Variants in CFH observed in about 807,000 individuals in gnomAD.
CFH encodes the protein H factor 1 (complement).
A neutral mutation model predicts 147.3 loss-of-function variants in CFH; 53 were observed. That is an observed-to-expected ratio of 0.36 (90% CI 0.29 to 0.45). CFH has a LOEUF of 0.45. Among genes scored for constraint, CFH ranks in the 20% least tolerant of loss-of-function variants. The probability of loss-of-function intolerance (pLI) is 1.00; values close to 1 mark genes in which losing one functional copy is unlikely to be tolerated. For missense variants in CFH, 1,380 were observed against 1,498.0 expected (o/e 0.92, Z 1.30); for synonymous variants, 536 against 489.4 (o/e 1.10, Z -1.26).
chr1:196,730,653 G>A (rs1669260386), intron 15 of CFH, among the ~76,000 whole-genome samples: 1 of 151,744 alleles, frequency 6.6e-6, no homozygotes, highest in African/African-American at 2.4e-5. Context: ...TGGATGATCT[G>A]TCTCAACGTT....
intron 9 of CFH, among the ~76,000 whole-genome samples, chr1:196,703,869 A>C (rs1668521269): frequency 6.7e-6 from 1 of 149,718 alleles, no homozygotes; most frequent in South Asian, 2.2e-4. Context: ...CTGTAGTCCC[A>C]GCTACTCGGG....
At chr1:196,710,091 C>A (rs1668690188) in intron 9 of CFH, among the ~76,000 whole-genome samples, 1 of 151,920 alleles carries the variant, frequency 6.6e-6, no homozygotes, top group South Asian at 2.1e-4. Context: ...AAGAGCCCAG[C>A]AAAAAGCTGA....
At chr1:196,721,019 CT>C (rs1239553565) in intron 11 of CFH, among the ~76,000 whole-genome samples, 1 of 151,848 alleles carries the variant, frequency 6.6e-6, no homozygotes, top group Admixed American at 6.6e-5. Flanking sequence ...AAGATGATAA[CT>C]CATTTTTTTA....
intron 1 of CFH, among the ~76,000 whole-genome samples, chr1:196,653,188 A>T (rs919282655): frequency 6.6e-6 from 1 of 151,762 alleles, no homozygotes; most frequent in East Asian, 1.9e-4. Flanking sequence ...CACTTTGGTA[A>T]TTTAAAAAAT....
At chr1:196,726,379 G>A in intron 12 of CFH, 91 bp from the exon 13 acceptor site, 1 of 997,544 alleles carries the variant, frequency 1.0e-6, no homozygotes, top group Non-Finnish European at 1.5e-6. Context: ...AAGAATACAT[G>A]AATAAAAGAA....
At chr1:196,693,766 A>G (rs962834527) in intron 9 of CFH, among the ~76,000 whole-genome samples, 1 of 152,018 alleles carries the variant, frequency 6.6e-6, no homozygotes, top group Non-Finnish European at 1.5e-5. Flanking sequence ...ACCTTTTTTT[A>G]TTGCTAAGTA....
Position 196,736,965 on chromosome 1 carries a change from C to T in CFH, c.2555C>T (p.Thr852Ile). ...CTAATTCAGGAAGGAGAAGAAATTA[C>T]ATGCAAAGATGGAAGATGGCAGTCA... ...NYLIQEGEEITCKDGRWQSIP... is the reference protein window; with the variant it reads ...NYLIQEGEEIICKDGRWQSIP... Residue 852 changes from threonine to isoleucine, a missense_variant, in exon 16 of 22, where the codon ACA (threonine) becomes ATA (isoleucine). Around this residue, in one of 4 missense-constraint regions of CFH, gnomAD observed 830 missense variants for 821.4 expected, o/e 1.01. Transcript: ENST00000367429. 3 of 1,611,548 alleles carry T rather than the reference C, an allele frequency of 1.9e-6. No individual in the cohort carries two copies. The highest frequency in any genetic ancestry group is 2.5e-6 in the Non-Finnish European group (3 of 1,178,358).
chr1:196,682,689 T>C (rs1667697169), intron 6 of CFH, among the ~76,000 whole-genome samples: 1 of 151,484 alleles, frequency 6.6e-6, no homozygotes, highest in African/African-American at 2.4e-5. Context: ...AAAAAAGGAA[T>C]ACATTTAGGA....
At chr1:196,652,688 T>C (rs1378282216) in intron 1 of CFH, among the ~76,000 whole-genome samples, 3 of 151,798 alleles carry the variant, frequency 2.0e-5, no homozygotes, top group Admixed American at 1.3e-4. Context: ...ACTTGTATTA[T>C]CAGAATAAAA....
intron 9 of CFH, among the ~76,000 whole-genome samples, chr1:196,699,461 C>A (rs1375368855): frequency 6.6e-6 from 1 of 152,110 alleles, no homozygotes; most frequent in Non-Finnish European, 1.5e-5. Flanking sequence ...AAATATTTTG[C>A]AAATATTTTT....
At chr1:196,680,322 A>C (rs939658023) in intron 6 of CFH, among the ~76,000 whole-genome samples, 1 of 151,534 alleles carries the variant, frequency 6.6e-6, no homozygotes, top group Admixed American at 6.6e-5. Flanking sequence ...AAAAAAAAAA[A>C]AAAAAACCTC....
At chr1:196,686,655 T>A (rs1558160392) in intron 7 of CFH, among the ~76,000 whole-genome samples, 1 of 152,218 alleles carries the variant, frequency 6.6e-6, no homozygotes. Context: ...GAAGCTATTA[T>A]CAGTATGAAA....
chr1:196,738,824 C>T, intron 17 of CFH, among the ~76,000 whole-genome samples: 1 of 152,208 alleles, frequency 6.6e-6, no homozygotes, highest in Admixed American at 6.5e-5. Context: ...AGTGGGGACT[C>T]TATGTGAGGG....
intron 11 of CFH, among the ~76,000 whole-genome samples, chr1:196,724,247 A>G (rs1436084376): frequency 6.6e-6 from 1 of 151,872 alleles, no homozygotes; most frequent in Non-Finnish European, 1.5e-5. Context: ...CAAGCAGGTG[A>G]CAGGGAATAT....
chr1:196,658,340 T>C (rs572639705), intron 1 of CFH, among the ~76,000 whole-genome samples: 2 of 150,862 alleles, frequency 1.3e-5, no homozygotes, highest in African/African-American at 4.9e-5. Flanking sequence ...CTCGACCTCC[T>C]GGGCTCAAGC....
chr1:196,727,078 A>G (rs1056723627), intron 14 of CFH, 138 bp downstream of exon 14: 2 of 727,200 alleles, frequency 2.8e-6, no homozygotes, highest in Admixed American at 2.2e-5. Flanking sequence ...AATCTTTTGC[A>G]TATTGCTTAT....
chr1:196,677,539 C>G lies in CFH; in HGVS notation c.491C>G (p.Pro164Arg). 2 of 1,613,112 alleles carry G rather than the reference C, an allele frequency of 1.2e-6. No individual in the cohort carries two copies. Among genetic ancestry groups the G allele is most frequent in the Admixed American group, 1.7e-5 (1 of 59,936 alleles). The change falls in exon 5 of 22, where the codon CCA (proline) becomes CGA (arginine). Residue 164 changes from proline (P) to arginine (R), a missense_variant. Coordinates refer to ENST00000367429, the MANE Select transcript of CFH (RefSeq NM_000186.4). ...AAAATTGTCAGTAGTGCAATGGAACCAGATCGGGAATACCATTTTGGACAA... is the reference window on the plus strand; with the variant it reads ...AAAATTGTCAGTAGTGCAATGGAACGAGATCGGGAATACCATTTTGGACAA... ...NGKIVSSAME[P>R]DREYHFGQAV...
intron 1 of CFH, among the ~76,000 whole-genome samples, chr1:196,661,113 C>T (rs1398749998): frequency 3.9e-5 from 6 of 152,114 alleles, no homozygotes; most frequent in African/African-American, 7.2e-5. Flanking sequence ...AGAGTATTAG[C>T]ACCATCTAGT....
At chr1:196,728,149 G>T (rs1045131718) in intron 14 of CFH, among the ~76,000 whole-genome samples, 197 bp from the exon 15 acceptor site, 4 of 152,004 alleles carry the variant, frequency 2.6e-5, no homozygotes, top group Non-Finnish European at 5.9e-5. Context: ...ACATTTCAGC[G>T]ACAGAATACA....
Sources: allele counts gnomAD v4.1 joint callset (sites outside exome capture counted in the v4.1 genomes callset), GRCh38; gene constraint gnomAD v4.1.1; regional missense constraint gnomAD v4.1.1; transcripts MANE v1.5; gene names NCBI Gene and HGNC (gene_info 2026-07-23, HGNC 2026-07-21).